IGSF11: variants seen among roughly 807,000 people sequenced by gnomAD.
The protein encoded by IGSF11 is immunoglobulin superfamily member 11.
In IGSF11, 22 loss-of-function variants were observed where a neutral mutation model predicts 41.0. The ratio of observed to expected loss-of-function variants is 0.54; its 90% confidence interval spans 0.38 to 0.77. The LOEUF (loss-of-function observed/expected upper bound fraction) is 0.77. IGSF11 is among the 30% of genes least tolerant of loss of function. IGSF11 has a pLI of 0.00. For synonymous variants in IGSF11, 219 were observed against 201.3 expected (o/e 1.09, Z -0.74); for missense variants, 444 against 530.8 (o/e 0.84, Z 1.61).
intron 1 of IGSF11, among the ~76,000 whole-genome samples, chr3:119,117,561 A>G (rs2077275814): frequency 6.6e-6 from 1 of 152,156 alleles, no homozygotes; most frequent in African/African-American, 2.4e-5. Flanking sequence ...GAAATTCAAG[A>G]TGAGATTTGG....
intron 4 of IGSF11, among the ~76,000 whole-genome samples, chr3:118,913,140 G>A (rs1940558053): frequency 6.7e-6 from 1 of 150,346 alleles, no homozygotes; most frequent in African/African-American, 2.4e-5. Flanking sequence ...CACACAGAAA[G>A]GTAAAGAAGG....
chr3:119,083,778 G>T (rs184375739), intron 1 of IGSF11, among the ~76,000 whole-genome samples: 4 of 152,240 alleles, frequency 2.6e-5, no homozygotes, highest in African/African-American at 9.6e-5. Flanking sequence ...CACAGTATTT[G>T]CTAATGATAA....
At chr3:119,089,066 C>G (rs2076722552) in intron 1 of IGSF11, among the ~76,000 whole-genome samples, 1 of 152,118 alleles carries the variant, frequency 6.6e-6, no homozygotes, top group Non-Finnish European at 1.5e-5. Flanking sequence ...AGGAGCTCTC[C>G]TGACTAACTC....
intron 1 of IGSF11, among the ~76,000 whole-genome samples, chr3:119,104,947 GAC>G (rs1264090637): frequency 6.6e-6 from 1 of 152,094 alleles, no homozygotes; most frequent in Admixed American, 6.5e-5. Flanking sequence ...CACAGTGCCT[GAC>G]ACATAGCAAG....
chr3:119,067,117 C>T (rs184367309), intron 1 of IGSF11, among the ~76,000 whole-genome samples: 53 of 152,088 alleles, frequency 3.5e-4, no homozygotes, highest in African/African-American at 1.2e-3. Flanking sequence ...TTATTGTATG[C>T]TAAGCTCCAT....
intron 1 of IGSF11, among the ~76,000 whole-genome samples, chr3:119,043,952 CA>C (rs1477489043): frequency 6.6e-6 from 1 of 151,928 alleles, no homozygotes; most frequent in African/African-American, 2.4e-5. Flanking sequence ...ACAGTCTACC[CA>C]AAAAAGAAGG....
chr3:119,029,834 C>T (rs1285655471), intron 1 of IGSF11, among the ~76,000 whole-genome samples: 8 of 152,134 alleles, frequency 5.3e-5, no homozygotes, highest in Admixed American at 2.6e-4. Flanking sequence ...CTACAAGTGG[C>T]CCCAATATAT....
At chr3:118,959,872 C>T (rs1197473201) in intron 1 of IGSF11, among the ~76,000 whole-genome samples, 2 of 151,860 alleles carry the variant, frequency 1.3e-5, no homozygotes, top group African/African-American at 2.4e-5. Flanking sequence ...ATGGTGAAAC[C>T]CCGCCTCTAA....
intron 1 of IGSF11, among the ~76,000 whole-genome samples, chr3:118,980,337 G>T (rs564224350): frequency 6.6e-6 from 1 of 152,150 alleles, no homozygotes; most frequent in South Asian, 2.1e-4. Context: ...GAAATCTATT[G>T]ACCATAAAAA....
chr3:118,992,051 G>A (rs896416784), intron 1 of IGSF11, among the ~76,000 whole-genome samples: 2 of 152,186 alleles, frequency 1.3e-5, no homozygotes, highest in East Asian at 1.9e-4. Flanking sequence ...GTATTTGCTC[G>A]AATCAACCAT....
intron 1 of IGSF11, among the ~76,000 whole-genome samples, chr3:119,082,163 T>C (rs1268267001): frequency 6.6e-6 from 1 of 152,186 alleles, no homozygotes; most frequent in Admixed American, 6.5e-5. Flanking sequence ...TATTCAGACC[T>C]CCTGTTAATT....
chr3:119,017,181 G>A (rs1938799489), intron 1 of IGSF11, among the ~76,000 whole-genome samples: 1 of 151,976 alleles, frequency 6.6e-6, no homozygotes, highest in South Asian at 2.1e-4. Flanking sequence ...ATACAGTCAC[G>A]TTTCACTTAA....
At chr3:119,044,047 A>G (rs1380456338) in intron 1 of IGSF11, among the ~76,000 whole-genome samples, 1 of 152,226 alleles carries the variant, frequency 6.6e-6, no homozygotes, top group Non-Finnish European at 1.5e-5. Context: ...GCAGCAATCC[A>G]AACCAAGAAA....
At chr3:119,077,386 G>A (rs751035175) in intron 1 of IGSF11, among the ~76,000 whole-genome samples, 2 of 151,924 alleles carry the variant, frequency 1.3e-5, no homozygotes, top group Non-Finnish European at 2.9e-5. Context: ...CCTACACGTT[G>A]TGCACATGTA....
upstream of IGSF11, among the ~76,000 whole-genome samples, chr3:119,106,393 T>G (rs1294073574): frequency 6.6e-6 from 1 of 152,164 alleles, no homozygotes; most frequent in Non-Finnish European, 1.5e-5. Context: ...GTAACCATTT[T>G]TATACCCTCT....
chr3:119,086,840 C>G (rs748272903), intron 1 of IGSF11, among the ~76,000 whole-genome samples: 2 of 152,222 alleles, frequency 1.3e-5, no homozygotes, highest in Non-Finnish European at 2.9e-5. Flanking sequence ...AAAGCAACTA[C>G]TTAATCAAGT....
intron 1 of IGSF11, among the ~76,000 whole-genome samples, chr3:119,043,427 A>G (rs544557910): frequency 6.6e-6 from 1 of 152,264 alleles, no homozygotes; most frequent in Non-Finnish European, 1.5e-5. Flanking sequence ...CTTCCCAGCT[A>G]TGCTTAGGGA....
At chr3:118,954,649 ACAAAATG>A (rs112956492) in intron 1 of IGSF11, among the ~76,000 whole-genome samples, 1 of 152,160 alleles carries the variant, frequency 6.6e-6, no homozygotes, top group African/African-American at 2.4e-5. Flanking sequence ...TATGGCAGTG[ACAAAATG>A]CATCAAACAG....
Position 118,912,968 on chromosome 3 carries a change from G to T in IGSF11, c.581-7250C>A, listed in dbSNP as rs545050057. On this transcript the variant is annotated intron_variant, in intron 4 of 6. Transcript: ENST00000393775. ...TGAGCAGTGATTGTGCCACTGCACT[G>T]CAGCCTGGATGACAGAACGAGACTC... Among the ~76,000 whole-genome samples the T allele has an allele frequency of 1.4e-3, 212 of 152,134 alleles. 1 individual carries two copies. Among genetic ancestry groups the T allele is most frequent in the African/African-American group, 5.0e-3 (207 of 41,500 alleles).
Sources: allele counts gnomAD v4.1 joint callset (sites outside exome capture counted in the v4.1 genomes callset), GRCh38; gene constraint gnomAD v4.1.1; transcripts MANE v1.5; gene names NCBI Gene and HGNC (gene_info 2026-07-23, HGNC 2026-07-21).